Variants in PCDHGA2 observed in about 807,000 individuals in gnomAD.
PCDHGA2 encodes protocadherin gamma subfamily A, 2.
PCDHGA2 carries 40 observed loss-of-function variants against 59.2 expected under a neutral mutation model. The observed-to-expected ratio is 0.68, with a 90% confidence interval of 0.52 to 0.88. PCDHGA2 has a LOEUF of 0.88. Among genes scored for constraint, PCDHGA2 ranks in the 40% least tolerant of loss-of-function variants. The pLI is 0.00. For missense variants in PCDHGA2, 1,226 were observed against 1,204.0 expected (o/e 1.02, Z -0.27); for synonymous variants, 560 against 526.0 (o/e 1.06, Z -0.89).
At chr5:141,352,581 A>G (rs1024925039) in intron 1 of PCDHGA2, 2 of 1,613,834 alleles carry the variant, frequency 1.2e-6, no homozygotes, top group Non-Finnish European at 1.7e-6. Context: ...GCTCCCCCTC[A>G]GGATCTGCTG....
intron 1 of PCDHGA2, among the ~76,000 whole-genome samples, chr5:141,380,913 T>C (rs1776852594): frequency 6.6e-6 from 1 of 152,242 alleles, no homozygotes; most frequent in African/African-American, 2.4e-5. Flanking sequence ...AGTGCTTACA[T>C]TGTTTAATAA....
intron 2 of PCDHGA2, among the ~76,000 whole-genome samples, chr5:141,502,296 G>A (rs758304596): frequency 7.9e-5 from 12 of 151,130 alleles, no homozygotes; most frequent in Non-Finnish European, 1.2e-4. Context: ...TGGTTGTCAC[G>A]TCTTTCCTCT....
At chr5:141,364,907 G>A (rs779210025) in intron 1 of PCDHGA2, 37 of 1,613,968 alleles carry the variant, frequency 2.3e-5, no homozygotes, top group Non-Finnish European at 3.1e-5. Flanking sequence ...AAAGTATCCG[G>A]AGCTGGTGTT....
In PCDHGA2 at chr5:141,505,435, G is replaced by A. The variant is rs1274195652; in HGVS notation, c.2526G>A (p.Gln842=). The change falls in exon 3 of 4, where the codon CAG becomes CAA. Residue 842 remains glutamine, a synonymous_variant. Transcript: ENST00000394576. ...GDDTGTWPNN[Q]FDTEMLQAMI... is the part of the protein sequence containing the mutation. ...ACACCGGCACCTGGCCCAACAACCA[G>A]TTTGACACAGAGATGCTGCAAGCCA... 1 of 1,614,096 alleles carries A rather than the reference G, an allele frequency of 6.2e-7. No homozygotes were observed. Among genetic ancestry groups the A allele is most frequent in the African/African-American group, 1.3e-5 (1 of 74,936 alleles).
chr5:141,395,181 T>C (rs758854683), intron 1 of PCDHGA2: 3 of 1,614,030 alleles, frequency 1.9e-6, no homozygotes, highest in Non-Finnish European at 2.5e-6. Context: ...GAAAAATGAT[T>C]CTTTGTTAAC....
intron 1 of PCDHGA2, among the ~76,000 whole-genome samples, chr5:141,472,908 C>T (rs1369506606): frequency 1.3e-5 from 2 of 149,744 alleles, no homozygotes; most frequent in African/African-American, 2.5e-5. Context: ...ATTGCTTGAA[C>T]CCAAGAGGAG....
At chr5:141,468,697 T>A (rs2099174099) in intron 1 of PCDHGA2, 1 of 151,646 alleles carries the variant, frequency 6.6e-6, no homozygotes, top group Non-Finnish European at 1.5e-5. Context: ...AAACCCCGTC[T>A]CTACTAAAAA....
chr5:141,409,259 T>C lies in PCDHGA2; in HGVS notation c.2424+67864T>C, dbSNP rs370130162. ...CCCAGAAATAATCATCACTTCTCTC[T>C]CTGATCAGATTTTGGAGAATTCACC... is the stretch of plus-strand genomic sequence containing the variant. On this transcript the variant is annotated intron_variant, in intron 1 of 3. Coordinates refer to ENST00000394576, the MANE Select transcript of PCDHGA2 (RefSeq NM_018915.4). The C allele has an allele frequency of 1.9e-6, 3 of 1,614,012 alleles. No individual in the cohort carries two copies. Among genetic ancestry groups the C allele is most frequent in the South Asian group, 2.2e-5 (2 of 91,082 alleles).
Position 141,413,696 on chromosome 5 carries a change from A to G in PCDHGA2, c.2424+72301A>G, listed in dbSNP as rs753150251. On this transcript the variant is annotated intron_variant, in intron 1 of 3. Coordinates refer to ENST00000394576, the MANE Select transcript of PCDHGA2 (RefSeq NM_018915.4). ...GTGGGCGTGAACTCCCTGCAGAGCTATCAGCTCAGCCCCAATAAGCACTTC... is the reference window on the plus strand; with the variant it reads ...GTGGGCGTGAACTCCCTGCAGAGCTGTCAGCTCAGCCCCAATAAGCACTTC... 3.1e-6 allele frequency: 5 copies of G among 1,613,522 alleles called. No homozygotes were observed. In the Admixed American group the frequency reaches 6.7e-5, roughly 22 times the overall value.
Position 141,489,652 on chromosome 5 carries a change from C to T in PCDHGA2, c.2425-5155C>T, listed in dbSNP as rs767143028. The T allele has an allele frequency of 3.1e-6, 5 of 1,614,024 alleles. No individual in the cohort carries two copies. Among genetic ancestry groups the T allele is most frequent in the Non-Finnish European group, 4.2e-6 (5 of 1,180,026 alleles). ...CTCTCCTAGCTTTGCCACCCCTGAG[C>T]GAGAGATGCGCATCTCAGAATCAGC... On this transcript the variant is annotated intron_variant, in intron 1 of 3. Coordinates refer to ENST00000394576, the MANE Select transcript of PCDHGA2 (RefSeq NM_018915.4). The surrounding 1 kb of genome is among the most constrained non-coding windows in gnomAD (Gnocchi z 4.5).
chr5:141,394,653 C>T lies in PCDHGA2; in HGVS notation c.2424+53258C>T, dbSNP rs545273127. On this transcript the variant is annotated intron_variant, in intron 1 of 3. Coordinates refer to ENST00000394576, the MANE Select transcript of PCDHGA2 (RefSeq NM_018915.4). ...CTACCGCCTGCTCAAGGCCAGCGAG[C>T]CGGGACTCTTCTCGGTGGGTCTGCA... The T allele has an allele frequency of 9.9e-6, 16 of 1,613,348 alleles. No homozygotes were observed. The East Asian group carries it at 3.1e-4, about 31-fold the overall frequency.
At chr5:141,392,577 T>C in intron 1 of PCDHGA2, 1 of 462,996 alleles carries the variant, frequency 2.2e-6, no homozygotes. Context: ...TTTAGGACTG[T>C]AAGCGCCGCT....
At chr5:141,398,916 A>G (rs2150766485) in intron 1 of PCDHGA2, 1 of 1,614,022 alleles carries the variant, frequency 6.2e-7, no homozygotes, top group Non-Finnish European at 8.5e-7. Context: ...CTGTGTTGCA[A>G]GTGTCAGCCA....
Position 141,340,483 on chromosome 5 carries a change from C to T in PCDHGA2, c.1512C>T (p.Tyr504=), listed in dbSNP as rs1187417601. ...DTVQGAPLSS[Y]ISINSDTGVL... is the part of the protein sequence containing the mutation. Reference sequence around the variant, plus strand: ...TTCAGGGGGCACCCTTATCCTCTTACATCTCTATCAACTCCGACACTGGAG... The same window carrying T: ...TTCAGGGGGCACCCTTATCCTCTTATATCTCTATCAACTCCGACACTGGAG... The change falls in exon 1 of 4, where the codon TAC becomes TAT. Residue 504 remains tyrosine, a synonymous_variant. Transcript: ENST00000394576. 4.3e-6 allele frequency: 7 copies of T among 1,614,226 alleles called. No homozygotes were observed. The highest frequency in any genetic ancestry group is 2.2e-5 in the South Asian group (2 of 91,086).
At chr5:141,447,032 C>A (rs1412709585) in intron 1 of PCDHGA2, among the ~76,000 whole-genome samples, 1 of 149,498 alleles carries the variant, frequency 6.7e-6, no homozygotes, top group Admixed American at 6.6e-5. Context: ...TGTTTTTTTT[C>A]TGTGTCTGGA....
intron 1 of PCDHGA2, chr5:141,427,842 C>T: frequency 6.5e-7 from 1 of 1,549,268 alleles, no homozygotes. Flanking sequence ...TGCCTTCGAC[C>T]ACGAGCAGCT....
chr5:141,402,867 C>T, intron 1 of PCDHGA2: 2 of 1,443,510 alleles, frequency 1.4e-6, no homozygotes, highest in Non-Finnish European at 1.8e-6. Context: ...AGGAAAAGAT[C>T]ACCATACTTT....
chr5:141,383,977 A>G (rs1187887484), intron 1 of PCDHGA2: 1 of 1,613,786 alleles, frequency 6.2e-7, no homozygotes, highest in Non-Finnish European at 8.5e-7. Flanking sequence ...CCCTGAAGAC[A>G]CACCTCTTGG....
At chr5:141,433,397 A>G (rs189987785) in intron 1 of PCDHGA2, among the ~76,000 whole-genome samples, 270 of 150,524 alleles carry the variant, frequency 1.8e-3, no homozygotes, top group Non-Finnish European at 3.1e-3. Context: ...CTATCTATCT[A>G]TCTATCTATT....
Sources: allele counts gnomAD v4.1 joint callset (sites outside exome capture counted in the v4.1 genomes callset), GRCh38; gene constraint gnomAD v4.1.1; non-coding constraint Gnocchi (gnomAD v3.1); transcripts MANE v1.5; gene names NCBI Gene and HGNC (gene_info 2026-07-23, HGNC 2026-07-21).